FRMD3: variants seen among roughly 807,000 people sequenced by gnomAD.
FRMD3 encodes FERM domain-containing protein 3.
FRMD3 carries 33 observed loss-of-function variants against 70.2 expected under a neutral mutation model. The ratio of observed to expected loss-of-function variants is 0.47; its 90% CI spans 0.36 to 0.63. The LOEUF (loss-of-function observed/expected upper bound fraction) is 0.63, where lower values mean the gene tolerates loss of function less well. Ranked by LOEUF, FRMD3 falls within the 20% of genes least tolerant of loss-of-function variation. The pLI, the probability that FRMD3 is intolerant of heterozygous loss-of-function variation, is 0.00. For synonymous variants in FRMD3, 279 were observed against 255.9 expected (o/e 1.09, Z -0.86); for missense variants, 632 against 711.4 (o/e 0.89, Z 1.27).
chr9:83,387,491 TA>T (rs1325920508), intron 2 of FRMD3, among the ~76,000 whole-genome samples: 4 of 152,186 alleles, frequency 2.6e-5, no homozygotes, highest in Admixed American at 6.6e-5. Flanking sequence ...TGGTACATGA[TA>T]GATGCTCAAC....
chr9:83,348,615 C>T, intron 4 of FRMD3, among the ~76,000 whole-genome samples: 1 of 152,092 alleles, frequency 6.6e-6, no homozygotes, highest in South Asian at 2.1e-4. Context: ...TGGTGAGATA[C>T]ATTTATGTCA....
At chr9:83,535,712 A>G (rs1171927781) in intron 1 of FRMD3, among the ~76,000 whole-genome samples, 3 of 152,176 alleles carry the variant, frequency 2.0e-5, no homozygotes, top group Admixed American at 2.0e-4. Context: ...GGCCCAGGGA[A>G]GCCAGAAAAT....
chr9:83,381,610 T>C (rs543987059), intron 2 of FRMD3, among the ~76,000 whole-genome samples: 13 of 151,986 alleles, frequency 8.6e-5, no homozygotes, highest in Non-Finnish European at 1.9e-4. Context: ...TGTTTTCCAC[T>C]CCTTTAGCCA....
intron 1 of FRMD3, among the ~76,000 whole-genome samples, chr9:83,402,370 C>A (rs1204455313): frequency 6.6e-6 from 1 of 151,280 alleles, no homozygotes; most frequent in Admixed American, 6.6e-5. Flanking sequence ...CCTCTGCACA[C>A]TCTGTCTGTC....
At chr9:83,275,990 A>G (rs1319154026) in intron 13 of FRMD3, 1 of 152,236 alleles carries the variant, frequency 6.6e-6, no homozygotes, top group Non-Finnish European at 1.5e-5. Flanking sequence ...TCCGAGGCAC[A>G]ATTATTGGCT....
rs553032664 is a variant in FRMD3, at chr9:83,537,243, C to G, written c.147+842G>C. ...TGACAGCCCAGAGGCACTTACTACC[C>G]GAGGACAGGGCTGCCAGCAAAGCTG... On this transcript the variant is annotated intron_variant, in intron 1 of 13. Transcript: ENST00000304195. This position sits in a 1 kb window ranked among gnomAD's most constrained non-coding sequence, Gnocchi z 4.1. Among the ~76,000 whole-genome samples, 1 of 152,146 alleles carries G rather than the reference C, an allele frequency of 6.6e-6. No homozygotes were observed. Among genetic ancestry groups the G allele is most frequent in the Non-Finnish European group, 1.5e-5 (1 of 68,012 alleles).
At chr9:83,574,294 C>T in the FRMD3 span, among the ~76,000 whole-genome samples, 1 of 152,274 alleles carries the variant, frequency 6.6e-6, no homozygotes, top group African/African-American at 2.4e-5. Context: ...TCAATGTAAC[C>T]AACTTCTACC....
At chr9:83,448,258 T>C (rs1827539023) in intron 1 of FRMD3, among the ~76,000 whole-genome samples, 2 of 152,204 alleles carry the variant, frequency 1.3e-5, no homozygotes, top group South Asian at 2.1e-4. Flanking sequence ...ATGAGGGGCA[T>C]ACCCACCTCT....
At chr9:83,502,612 T>C (rs1352599931) in intron 1 of FRMD3, among the ~76,000 whole-genome samples, 2 of 152,020 alleles carry the variant, frequency 1.3e-5, no homozygotes, top group Admixed American at 6.6e-5. Context: ...GGCAGACAAA[T>C]CAGGATGGTA....
At chr9:83,508,698 C>T (rs945252270) in intron 1 of FRMD3, among the ~76,000 whole-genome samples, 23 of 152,130 alleles carry the variant, frequency 1.5e-4, no homozygotes, top group Non-Finnish European at 1.5e-4. Context: ...TGGTTTCTCA[C>T]CTCCCTTGCC....
At chr9:83,375,089 G>A (rs1240663040) in intron 2 of FRMD3, among the ~76,000 whole-genome samples, 2 of 152,156 alleles carry the variant, frequency 1.3e-5, no homozygotes, top group Non-Finnish European at 2.9e-5. Flanking sequence ...GGGGTGACAA[G>A]TCAGTTTCAT....
intron 9 of FRMD3, among the ~76,000 whole-genome samples, 160 bp downstream of exon 9, chr9:83,310,325 T>C (rs1487267965): frequency 6.6e-6 from 1 of 152,172 alleles, no homozygotes; most frequent in Non-Finnish European, 1.5e-5. Context: ...CCAGTACTCA[T>C]TTGTTTGCCT....
At chr9:83,329,105 T>G (rs3849863) in intron 6 of FRMD3, among the ~76,000 whole-genome samples, 68,989 of 151,956 alleles carry the variant, frequency 0.45, 15,902 homozygotes, top group Admixed American at 0.51. Flanking sequence ...TGCACACCAC[T>G]TGCCCCAGCC....
chr9:83,510,689 A>G (rs1490964852), intron 1 of FRMD3, among the ~76,000 whole-genome samples: 1 of 152,250 alleles, frequency 6.6e-6, no homozygotes, highest in Non-Finnish European at 1.5e-5. Context: ...GGCAATAAAA[A>G]GAAAGGAAAT....
rs1834562781 is a variant in FRMD3 at position 83,294,157 on chromosome 9, AG to A, written c.1071-3431del. 2.0e-5 allele frequency among the ~76,000 whole-genome samples: 3 copies of A among 152,356 alleles called. No homozygotes were observed. The South Asian group carries it at 6.2e-4, about 32-fold the overall frequency. On this transcript the variant is annotated intron_variant, in intron 12 of 13. Transcript: ENST00000304195. ...AGGTCATGATCACATGAATAGAATT[AG>A]TATCCTTATAAAAGAGGTCTGAGAG...
chr9:83,582,834 G>T, the FRMD3 span, among the ~76,000 whole-genome samples: 1 of 152,144 alleles, frequency 6.6e-6, no homozygotes, highest in Non-Finnish European at 1.5e-5. Flanking sequence ...TTTTGGCCTA[G>T]ATTTGAGATC....
intron 1 of FRMD3, among the ~76,000 whole-genome samples, chr9:83,536,825 C>T (rs1829901306): frequency 6.6e-6 from 1 of 150,858 alleles, no homozygotes; most frequent in Non-Finnish European, 1.5e-5. Context: ...AGGGAAAGTC[C>T]TTTCATTCCT....
chr9:83,533,437 C>T (rs1287732941), intron 1 of FRMD3, among the ~76,000 whole-genome samples: 1 of 152,140 alleles, frequency 6.6e-6, no homozygotes, highest in Non-Finnish European at 1.5e-5. Flanking sequence ...ACTGTAGCAT[C>T]CATCTAACCA....
intron 1 of FRMD3, among the ~76,000 whole-genome samples, chr9:83,438,408 T>G (rs1056292052): frequency 9.8e-5 from 6 of 61,360 alleles, no homozygotes; most frequent in Non-Finnish European, 1.5e-4. Context: ...CAGAAGAGAG[T>G]TTTTTTTTTG....
Sources: gnomAD v4.1 joint callset for allele counts (sites outside exome capture counted in the v4.1 genomes callset) on GRCh38, gnomAD v4.1.1 for gene constraint, Gnocchi (gnomAD v3.1) non-coding constraint, MANE v1.5 for transcripts, NCBI Gene and HGNC (gene_info 2026-07-23, HGNC 2026-07-21) for gene names.